Variants in KSR1 observed in about 807,000 individuals in gnomAD.
KSR1 encodes kinase suppressor of ras 1.
In KSR1, 35 loss-of-function variants were observed where a neutral mutation model predicts 92.9. That is an observed-to-expected ratio of 0.38 (90% CI 0.29 to 0.50). KSR1 has a LOEUF of 0.50. KSR1 is among the 20% of genes least tolerant of loss of function. KSR1 has a pLI of 0.94. For missense variants in KSR1, 972 were observed against 1,158.5 expected (o/e 0.84, Z 2.34); for synonymous variants, 467 against 472.6 (o/e 0.99, Z 0.15).
intron 2 of KSR1, among the ~76,000 whole-genome samples, chr17:27,565,248 T>G (rs1237886899): frequency 6.6e-6 from 1 of 152,224 alleles, no homozygotes; most frequent in East Asian, 1.9e-4. Context: ...TCTCTTTTTC[T>G]TTTTCTTTGT....
chr17:27,609,397 G>A, intron 16 of KSR1, 68 bp downstream of exon 16: 1 of 1,588,870 alleles, frequency 6.3e-7, no homozygotes, highest in Non-Finnish European at 8.6e-7. Flanking sequence ...CTGAGGTCTG[G>A]GCACTTTCAC....
intron 1 of KSR1, among the ~76,000 whole-genome samples, chr17:27,484,151 T>G (rs1412809410): frequency 5.3e-5 from 8 of 152,218 alleles, no homozygotes; most frequent in African/African-American, 1.4e-4. Flanking sequence ...AGTCCCAGTG[T>G]TGGAGGCTCC....
intron 1 of KSR1, among the ~76,000 whole-genome samples, chr17:27,488,080 T>C (rs2068720200): frequency 6.6e-6 from 1 of 152,232 alleles, no homozygotes; most frequent in Non-Finnish European, 1.5e-5. Context: ...GTCAGAGGCA[T>C]TCATAACAGC....
intron 1 of KSR1, among the ~76,000 whole-genome samples, chr17:27,515,967 T>G (rs2069776944): frequency 6.6e-6 from 1 of 152,156 alleles, no homozygotes; most frequent in African/African-American, 2.4e-5. Flanking sequence ...AACAATTGGC[T>G]CTCCATGGCT....
In KSR1 at chr17:27,534,236, G is replaced by A. The variant is rs763119990; in HGVS notation, c.232-16332G>A. ...GTGTGAGTGTGTTCCAGCCACGCCT[G>A]GCCTTGTCTACGTTTGCCCATTTTC... On this transcript the variant is annotated intron_variant, in intron 1 of 20. Coordinates refer to ENST00000644974, the MANE Select transcript of KSR1 (RefSeq NM_001394583.1). 7.2e-5 allele frequency among the ~76,000 whole-genome samples: 11 copies of A among 152,208 alleles called. No individual in the cohort carries two copies. The South Asian group carries it at 1.0e-3, about 14-fold the overall frequency.
At chr17:27,617,065 T>C (rs2074082404) in intron 18 of KSR1, among the ~76,000 whole-genome samples, 1 of 152,172 alleles carries the variant, frequency 6.6e-6, no homozygotes, top group African/African-American at 2.4e-5. Flanking sequence ...AGCATGGATC[T>C]AAGAAGGAAG....
At chr17:27,536,607 A>C (rs996252889) in intron 1 of KSR1, among the ~76,000 whole-genome samples, 1 of 152,204 alleles carries the variant, frequency 6.6e-6, no homozygotes, top group Middle Eastern at 3.2e-3. Context: ...CATGCCTGCA[A>C]GATTGAGTGC....
intron 1 of KSR1, among the ~76,000 whole-genome samples, chr17:27,502,200 C>T (rs886461400): frequency 2.0e-5 from 3 of 152,222 alleles, no homozygotes; most frequent in Non-Finnish European, 4.4e-5. Flanking sequence ...GATTCTGGAG[C>T]CAGTTGTCAT....
At chr17:27,540,078 A>G (rs1358330372) in intron 1 of KSR1, among the ~76,000 whole-genome samples, 1 of 152,228 alleles carries the variant, frequency 6.6e-6, no homozygotes, top group African/African-American at 2.4e-5. Context: ...TTTAAACCAT[A>G]GTTGACCTCA....
At chr17:27,561,020 A>G (rs1289828958) in intron 2 of KSR1, among the ~76,000 whole-genome samples, 3 of 152,190 alleles carry the variant, frequency 2.0e-5, no homozygotes, top group Non-Finnish European at 2.9e-5. Flanking sequence ...GCATGCCTGT[A>G]TCACCTGGCC....
intron 1 of KSR1, among the ~76,000 whole-genome samples, chr17:27,504,412 G>A (rs2069301526): frequency 6.6e-6 from 1 of 152,196 alleles, no homozygotes; most frequent in Non-Finnish European, 1.5e-5. Flanking sequence ...TGAGTGAGTT[G>A]GGATATGGGG....
rs761327310 is a variant in KSR1, at chr17:27,526,091, T to TCTTG, written c.232-24474_232-24473insGCTT. On this transcript the variant is annotated intron_variant, in intron 1 of 20. Transcript: ENST00000644974. ...CTTTCTCTTTCTTTCTTTCTTTCTTTCTTTCTCTCTCTCTCTCTCTCTCTC... is the reference window on the plus strand; with the variant it reads ...CTTTCTCTTTCTTTCTTTCTTTCTTTCTTGCTTTCTCTCTCTCTCTCTCTCTCTC... 1.7e-4 allele frequency among the ~76,000 whole-genome samples: 17 copies of TCTTG among 97,918 alleles called. 1 individual carries two copies. The highest frequency in any genetic ancestry group is 7.5e-4 in the African/African-American group (16 of 21,458). The allele number at this position is 97,918 out of a possible 152,430, so 64.2% of individuals were successfully genotyped here.
chr17:27,590,707 GAGCCAA>G, intron 6 of KSR1, 98 bp from the exon 7 acceptor site: 1 of 1,048,316 alleles, frequency 9.5e-7, no homozygotes, highest in Non-Finnish European at 1.4e-6. Flanking sequence ...CTCTGGGATG[GAGCCAA>G]GACTCCCAGT....
chr17:27,547,894 G>A (rs2071239419), intron 1 of KSR1, among the ~76,000 whole-genome samples: 2 of 151,818 alleles, frequency 1.3e-5, no homozygotes, highest in African/African-American at 2.4e-5. Flanking sequence ...TGTATTTTTA[G>A]TAGAGGCAGC....
chr17:27,518,211 G>A (rs1369978493), intron 1 of KSR1, among the ~76,000 whole-genome samples: 2 of 152,116 alleles, frequency 1.3e-5, no homozygotes, highest in African/African-American at 2.4e-5. Flanking sequence ...AGGGAGCAGG[G>A]CATTCTAGGT....
At chr17:27,497,250 A>G (rs1354734986) in intron 1 of KSR1, among the ~76,000 whole-genome samples, 2 of 152,246 alleles carry the variant, frequency 1.3e-5, no homozygotes, top group East Asian at 1.9e-4. Flanking sequence ...AACTCCATAC[A>G]GAGAAACAGA....
At chr17:27,538,286 G>A (rs1204092379) in intron 1 of KSR1, among the ~76,000 whole-genome samples, 4 of 152,222 alleles carry the variant, frequency 2.6e-5, no homozygotes, top group Admixed American at 6.5e-5. Flanking sequence ...TGGCACACGT[G>A]TGCTGGTTTT....
At chr17:27,614,218 C>G (rs929285704) in intron 18 of KSR1, among the ~76,000 whole-genome samples, 1 of 152,206 alleles carries the variant, frequency 6.6e-6, no homozygotes, top group Non-Finnish European at 1.5e-5. Context: ...ATTAACAAAT[C>G]CTTATTGTTA....
intron 1 of KSR1, among the ~76,000 whole-genome samples, chr17:27,532,261 T>C (rs2070569921): frequency 6.6e-6 from 1 of 152,242 alleles, no homozygotes; most frequent in African/African-American, 2.4e-5. Context: ...GGGCAGGAGA[T>C]GCAGAGCCCT....
Sources: allele counts gnomAD v4.1 joint callset (sites outside exome capture counted in the v4.1 genomes callset), GRCh38; gene constraint gnomAD v4.1.1; transcripts MANE v1.5; gene names NCBI Gene and HGNC (gene_info 2026-07-23, HGNC 2026-07-21).